The following RAP1GAP2 variants were observed in gnomAD, a reference collection of about 807,000 sequenced individuals.
The protein encoded by RAP1GAP2 is RAP1 GTPase activating protein 2.
Under a neutral mutation model 95.0 loss-of-function variants are expected in RAP1GAP2, and 27 were observed. The observed-to-expected ratio is 0.28, with a 90% CI of 0.21 to 0.39. RAP1GAP2 has a LOEUF of 0.39. Among genes scored for constraint, RAP1GAP2 ranks in the 10% least tolerant of loss-of-function variants. The probability of loss-of-function intolerance (pLI) is 1.00; values close to 1 mark genes in which losing one functional copy is unlikely to be tolerated. For synonymous variants in RAP1GAP2, 373 were observed against 380.9 expected (o/e 0.98, Z 0.24); for missense variants, 771 against 970.0 (o/e 0.79, Z 2.72).
At chr17:2,988,228 TA>T (rs532262736) in intron 11 of RAP1GAP2, among the ~76,000 whole-genome samples, 51 of 151,682 alleles carry the variant, frequency 3.4e-4, no homozygotes, top group African/African-American at 1.1e-3. Flanking sequence ...AAAAAATTAC[TA>T]ACCTTTTTAT....
At chr17:2,864,821 C>A (rs1178387654) in intron 2 of RAP1GAP2, among the ~76,000 whole-genome samples, 7 of 152,214 alleles carry the variant, frequency 4.6e-5, no homozygotes, top group Non-Finnish European at 1.5e-5. Context: ...CTCCCTCCCC[C>A]TCCTGAATTA....
chr17:3,028,400 T>A (rs2047193587), intron 22 of RAP1GAP2, among the ~76,000 whole-genome samples: 2 of 152,022 alleles, frequency 1.3e-5, no homozygotes, highest in African/African-American at 4.8e-5. Context: ...CGGAAGCTGA[T>A]AAGCAATGTA....
chr17:2,977,411 C>A (rs973129748), intron 8 of RAP1GAP2, among the ~76,000 whole-genome samples: 4 of 152,054 alleles, frequency 2.6e-5, no homozygotes, highest in Non-Finnish European at 4.4e-5. Context: ...TTTTAGCAAA[C>A]CTTTAAGGAA....
chr17:2,892,491 C>T (rs1032032262), intron 2 of RAP1GAP2, among the ~76,000 whole-genome samples: 7 of 152,134 alleles, frequency 4.6e-5, no homozygotes, highest in Admixed American at 3.9e-4. Context: ...CGACGGTCCA[C>T]TGGGGCTGTA....
chr17:2,770,395 C>G (rs2068367269), exon 2 of RAP1GAP2: 1 of 398,706 alleles, frequency 2.5e-6, no homozygotes, highest in Non-Finnish European at 4.4e-6. Context: ...GGCTCTACAG[C>G]CCGCAGCAGC....
chr17:2,859,369 C>T (rs752933785), intron 2 of RAP1GAP2, among the ~76,000 whole-genome samples: 11 of 151,784 alleles, frequency 7.2e-5, no homozygotes, highest in Non-Finnish European at 1.5e-4. Flanking sequence ...CCTTGGCCTC[C>T]CAAAGTGCTG....
chr17:2,989,035 G>C (rs1056345397), intron 11 of RAP1GAP2, among the ~76,000 whole-genome samples: 21 of 152,004 alleles, frequency 1.4e-4, no homozygotes, highest in Non-Finnish European at 2.6e-4. Flanking sequence ...CTCTAGCCTG[G>C]GTGACAGAGT....
rs552648170 is a variant in RAP1GAP2, at chr17:3,019,060, A to C, written c.1632+862A>C. On this transcript the variant is annotated intron_variant, in intron 18 of 24. Transcript: ENST00000254695. ...CTGGGTGACAGCGAGACTGTCTCAA[A>C]AAAACAAAACAAAACAAAACACAAA... is the stretch of plus-strand genomic sequence containing the variant. Among the ~76,000 whole-genome samples, 308 of 150,814 alleles carry C rather than the reference A, an allele frequency of 2.0e-3. 1 individual carries two copies. The highest frequency in any genetic ancestry group is 1.9e-3 in the Non-Finnish European group (131 of 67,562).
At chr17:2,930,229 G>A (rs1462725848) in intron 3 of RAP1GAP2, among the ~76,000 whole-genome samples, 3 of 152,230 alleles carry the variant, frequency 2.0e-5, no homozygotes, top group African/African-American at 7.2e-5. Flanking sequence ...TTCCTACAGT[G>A]GCTCACCAGG....
At chr17:2,881,499 A>G (rs983045955) in intron 2 of RAP1GAP2, among the ~76,000 whole-genome samples, 5 of 152,190 alleles carry the variant, frequency 3.3e-5, no homozygotes, top group Non-Finnish European at 7.3e-5. Context: ...TTCAGGGTTG[A>G]ATAATGTTCC....
At chr17:2,887,777 C>T (rs1040159414) in intron 2 of RAP1GAP2, among the ~76,000 whole-genome samples, 2 of 151,462 alleles carry the variant, frequency 1.3e-5, no homozygotes, top group African/African-American at 4.9e-5. Context: ...CGGGTTCAAG[C>T]AATCCCCCTG....
intron 2 of RAP1GAP2, among the ~76,000 whole-genome samples, chr17:2,832,832 T>C (rs960847743): frequency 6.6e-6 from 1 of 151,314 alleles, no homozygotes; most frequent in East Asian, 2.0e-4. Flanking sequence ...AAAAAGTAGC[T>C]GGGCGTGGTG....
chr17:3,013,206 A>G (rs961065475), intron 17 of RAP1GAP2, among the ~76,000 whole-genome samples: 1 of 152,206 alleles, frequency 6.6e-6, no homozygotes, highest in African/African-American at 2.4e-5. Flanking sequence ...GTGGCCCCGC[A>G]GTACCTGCAG....
At chr17:2,889,890 T>TATATATATATATATA (rs1491260344) in intron 2 of RAP1GAP2, among the ~76,000 whole-genome samples, 3 of 29,626 alleles carry the variant, frequency 1.0e-4, no homozygotes, top group Non-Finnish European at 1.9e-4. Flanking sequence ...TATATATATA[T>TATATATATATATATA]TTTTTTTTTT....
At position 2,827,333 on chromosome 17, in the gene RAP1GAP2, G is replaced by T. The variant is rs2070615156; in HGVS notation, c.80+26783G>T. On this transcript the variant is annotated intron_variant, in intron 2 of 24. Transcript: ENST00000254695. This position sits in a 1 kb window ranked among gnomAD's most constrained non-coding sequence, Gnocchi z 4.1. ...TACAAAAGTGGACAATTCAGACCCT[G>T]TTGGGTTTTGTGGCACTTTCTAGTC... is the stretch of plus-strand genomic sequence containing the variant. 6.6e-6 allele frequency among the ~76,000 whole-genome samples: 1 copy of T among 152,148 alleles called. No individual in the cohort carries two copies. Among genetic ancestry groups the T allele is most frequent in the Non-Finnish European group, 1.5e-5 (1 of 68,032 alleles).
At position 3,027,031 on chromosome 17, in the gene RAP1GAP2, G is replaced by A; in HGVS notation, c.2068G>A (p.Ala690Thr). 1 of 1,574,732 alleles carries A rather than the reference G, an allele frequency of 6.4e-7. No individual in the cohort carries two copies. Among genetic ancestry groups the A allele is most frequent in the Non-Finnish European group, 8.6e-7 (1 of 1,160,462 alleles). Residue 690 changes from alanine (A) to threonine (T), a missense_variant, in exon 22 of 25, where the codon GCA becomes ACA. Physicochemically the swap from Ala to Thr is moderately conservative, Grantham distance 58. Transcript: ENST00000254695. This position sits in a 1 kb window ranked among gnomAD's most constrained non-coding sequence, Gnocchi z 5.2. ...SPSSESPSLG[A>T]AATPIIMSRS... ...GAGCAGCGAGAGCCCCAGCCTGGGG[G>A]CAGCTGCCACCCCGATCATCATGAG...
At chr17:2,949,919 G>T (rs1449067634) in intron 3 of RAP1GAP2, among the ~76,000 whole-genome samples, 1 of 152,228 alleles carries the variant, frequency 6.6e-6, no homozygotes, top group Non-Finnish European at 1.5e-5. Context: ...CTGCTGCTGG[G>T]CACTGTCCAT....
chr17:2,851,699 C>A (rs536575011), intron 2 of RAP1GAP2, among the ~76,000 whole-genome samples: 1 of 152,212 alleles, frequency 6.6e-6, no homozygotes, highest in Non-Finnish European at 1.5e-5. Context: ...AATAATGGAA[C>A]CTGCATGGTG....
chr17:2,769,514 C>T (rs932592961), intron 1 of RAP1GAP2, among the ~76,000 whole-genome samples: 2 of 151,242 alleles, frequency 1.3e-5, no homozygotes, highest in African/African-American at 4.9e-5. Context: ...GAGATCGCGC[C>T]ACTGCACTCC....
Sources: gnomAD v4.1 joint callset for allele counts (sites outside exome capture counted in the v4.1 genomes callset) on GRCh38, gnomAD v4.1.1 for gene constraint, Gnocchi (gnomAD v3.1) non-coding constraint, MANE v1.5 for transcripts, NCBI Gene and HGNC (gene_info 2026-07-23, HGNC 2026-07-21) for gene names.